The following BRAF variants were observed in gnomAD, a reference collection of about 807,000 sequenced individuals.
BRAF encodes serine/threonine-protein kinase B-raf.
Under a neutral mutation model 104.6 loss-of-function variants are expected in BRAF, and 16 were observed. The ratio of observed to expected loss-of-function variants is 0.15; its 90% CI spans 0.10 to 0.23. The LOEUF is 0.23. Ranked by LOEUF, BRAF falls within the 10% of genes least tolerant of loss-of-function variation. The pLI, the probability that BRAF is intolerant of heterozygous loss-of-function variation, is 1.00. For synonymous variants in BRAF, 310 were observed against 341.6 expected (o/e 0.91, Z 1.02); for missense variants, 541 against 937.3 (o/e 0.58, Z 5.52).
At chr7:140,870,139 G>A (rs1246901568) in intron 1 of BRAF, among the ~76,000 whole-genome samples, 1 of 152,150 alleles carries the variant, frequency 6.6e-6, no homozygotes, top group Non-Finnish European at 1.5e-5. Context: ...TCATGAGGGT[G>A]CAGGAGAAAA....
At chr7:140,777,857 C>T in intron 13 of BRAF, 134 bp downstream of exon 12, 3 of 898,616 alleles carry the variant, frequency 3.3e-6, no homozygotes, top group Non-Finnish European at 5.3e-6. Context: ...CAAAAATATA[C>T]TCAGACATAC....
intron 1 of BRAF, among the ~76,000 whole-genome samples, chr7:140,865,918 A>C (rs1158563144): frequency 6.6e-6 from 1 of 152,238 alleles, no homozygotes; most frequent in Admixed American, 6.5e-5. Context: ...GCTAATTAAA[A>C]GCAGATTAAG....
intron 1 of BRAF, among the ~76,000 whole-genome samples, chr7:140,880,306 T>C (rs993291330): frequency 6.6e-6 from 1 of 152,238 alleles, no homozygotes; most frequent in Non-Finnish European, 1.5e-5. Flanking sequence ...TGCTCATCTA[T>C]AAGAAGCAAC....
Position 140,794,459 on chromosome 7 carries a change from A to G in BRAF, c.989T>C (p.Ile330Thr). Residue 330 changes from isoleucine (I) to threonine (T), a missense_variant, in exon 8 of 20, where the codon ATT becomes ACT. Ile to Thr is a moderately conservative substitution (Grantham distance 89, BLOSUM62 -1). Coordinates refer to ENST00000644969, the MANE Select transcript of BRAF (RefSeq NM_001374258.1). ...TTTTGAAGGAGACGGACTGGTGAGAATTTGGGGCCTGGAAAAATGAAGTCA... is the reference window on the plus strand; with the variant it reads ...TTTTGAAGGAGACGGACTGGTGAGAGTTTGGGGCCTGGAAAAATGAAGTCA... The part of the protein sequence containing the change: ...APASDSIGPQ[I>T]LTSPSPSKSI... The G allele has an allele frequency of 6.2e-7, 1 of 1,614,070 alleles. No individual in the cohort carries two copies. The highest frequency in any genetic ancestry group is 2.2e-5 in the East Asian group (1 of 44,880).
intron 2 of BRAF, among the ~76,000 whole-genome samples, chr7:140,845,991 T>G (rs1430642473): frequency 6.6e-6 from 1 of 152,200 alleles, no homozygotes; most frequent in East Asian, 1.9e-4. Context: ...GGCTATGGTT[T>G]TTTTAATCAA....
At chr7:140,901,588 A>G (rs116951002) in intron 1 of BRAF, among the ~76,000 whole-genome samples, 2,166 of 152,356 alleles carry the variant, frequency 0.014, 25 homozygotes, top group Non-Finnish European at 0.023. Context: ...TCAATTTGAG[A>G]AATACTAACA....
chr7:140,856,617 G>A (rs1050052912), intron 1 of BRAF, among the ~76,000 whole-genome samples: 1 of 152,136 alleles, frequency 6.6e-6, no homozygotes, highest in Non-Finnish European at 1.5e-5. Context: ...GATTACTGCT[G>A]AAGAGAGAAT....
intron 1 of BRAF, among the ~76,000 whole-genome samples, chr7:140,908,120 A>T (rs1816542044): frequency 6.6e-6 from 1 of 152,194 alleles, no homozygotes; most frequent in Admixed American, 6.5e-5. Context: ...ATTGTTTTAA[A>T]TCCATCTGAT....
intron 17 of BRAF, among the ~76,000 whole-genome samples, chr7:140,745,198 T>C (rs35176227): frequency 1.3e-5 from 2 of 152,178 alleles, no homozygotes; most frequent in Non-Finnish European, 2.9e-5. Context: ...ATAGTAGTCT[T>C]ATTTTAAAAT....
chr7:140,798,511 C>T (rs950446180), intron 7 of BRAF, among the ~76,000 whole-genome samples: 3 of 150,360 alleles, frequency 2.0e-5, no homozygotes, highest in East Asian at 3.9e-4. Flanking sequence ...CCGCCTGCCT[C>T]GGCCTCCCAA....
intron 2 of BRAF, among the ~76,000 whole-genome samples, chr7:140,849,654 T>C (rs1808941698): frequency 6.6e-6 from 1 of 151,236 alleles, no homozygotes; most frequent in African/African-American, 2.4e-5. Context: ...CTACTAAAAA[T>C]AGAAAAAATT....
At chr7:140,844,154 C>G (rs866045167) in intron 2 of BRAF, among the ~76,000 whole-genome samples, 64 of 152,178 alleles carry the variant, frequency 4.2e-4, no homozygotes, top group African/African-American at 1.2e-3. Context: ...CTTCCCCTCC[C>G]TTGTCCAAGT....
chr7:140,898,604 T>G (rs546026106), intron 1 of BRAF, among the ~76,000 whole-genome samples: 11 of 152,318 alleles, frequency 7.2e-5, no homozygotes, highest in African/African-American at 2.6e-4. Context: ...CATCGTTCCA[T>G]TAAAGCATAA....
chr7:140,917,917 T>C (rs1301531245), intron 1 of BRAF, among the ~76,000 whole-genome samples: 2 of 152,186 alleles, frequency 1.3e-5, no homozygotes, highest in African/African-American at 4.8e-5. Flanking sequence ...TTTGTTTAAA[T>C]ATTGTCTATT....
At chr7:140,719,265 ACT>A (rs1406130413), downstream of BRAF, 7 of 702,140 alleles carry the variant, frequency 1.0e-5, no homozygotes, top group Admixed American at 1.8e-4. Context: ...GTCTAGAAAA[ACT>A]GTTAAAACTG....
chr7:140,913,528 G>T (rs1163748958), intron 1 of BRAF, among the ~76,000 whole-genome samples: 1 of 129,924 alleles, frequency 7.7e-6, no homozygotes, highest in Non-Finnish European at 1.5e-5. Context: ...CTGTAGCCAG[G>T]CTGGAGTGCA....
At chr7:140,912,122 C>T (rs1192884414) in intron 1 of BRAF, among the ~76,000 whole-genome samples, 1 of 152,194 alleles carries the variant, frequency 6.6e-6, no homozygotes, top group African/African-American at 2.4e-5. Flanking sequence ...CACTGCACCC[C>T]AGCCTGGGTA....
intron 3 of BRAF, among the ~76,000 whole-genome samples, chr7:140,818,010 A>T (rs1805056423): frequency 6.6e-6 from 1 of 151,876 alleles, no homozygotes; most frequent in Non-Finnish European, 1.5e-5. Flanking sequence ...ACATACATAT[A>T]GTATCGTATC....
chr7:140,781,877 G>T (rs760252230), intron 11 of BRAF, among the ~76,000 whole-genome samples, 184 bp from the exon 11 acceptor site: 1 of 152,128 alleles, frequency 6.6e-6, no homozygotes, highest in Non-Finnish European at 1.5e-5. Context: ...ATTTAAGACT[G>T]AAGTCAATAT....
Sources: gnomAD v4.1 joint callset for allele counts (sites outside exome capture counted in the v4.1 genomes callset) on GRCh38, gnomAD v4.1.1 for gene constraint, MANE v1.5 for transcripts, NCBI Gene and HGNC (gene_info 2026-07-23, HGNC 2026-07-21) for gene names.